The following CNTN4 variants were observed in gnomAD, a reference collection of about 807,000 sequenced individuals.
The protein encoded by CNTN4 is contactin-4.
In CNTN4, 77 loss-of-function variants were observed where a neutral mutation model predicts 122.5. The observed-to-expected ratio is 0.63, with a 90% CI of 0.52 to 0.76. CNTN4 has a LOEUF of 0.76. CNTN4 is among the 30% of genes least tolerant of loss of function. CNTN4 has a pLI of 0.00. For missense variants in CNTN4, 1,256 were observed against 1,259.1 expected (o/e 1.00, Z 0.04); for synonymous variants, 512 against 447.0 (o/e 1.15, Z -1.83).
intron 4 of CNTN4, among the ~76,000 whole-genome samples, chr3:2,592,205 C>G (rs1203587293): frequency 6.6e-6 from 1 of 152,090 alleles, no homozygotes; most frequent in Non-Finnish European, 1.5e-5. Context: ...TCAGCTTGGC[C>G]CTGACTTTTT....
chr3:2,151,361 G>A (rs1014933399), intron 2 of CNTN4, among the ~76,000 whole-genome samples: 1 of 152,188 alleles, frequency 6.6e-6, no homozygotes, highest in Non-Finnish European at 1.5e-5. Flanking sequence ...TGACAGGGAG[G>A]CAGCTAAGAG....
chr3:2,803,566 T>G (rs986116970), intron 6 of CNTN4, among the ~76,000 whole-genome samples: 28 of 151,542 alleles, frequency 1.8e-4, no homozygotes, highest in African/African-American at 6.5e-4. Context: ...TTCTTTTTTT[T>G]TTTTTTTGTT....
chr3:2,259,425 C>T (rs2040730656), intron 2 of CNTN4, among the ~76,000 whole-genome samples: 1 of 152,112 alleles, frequency 6.6e-6, no homozygotes, highest in South Asian at 2.1e-4. Flanking sequence ...CCAAAGGCAA[C>T]ACAGCCAAAA....
chr3:2,367,724 A>G (rs944993009), intron 3 of CNTN4, among the ~76,000 whole-genome samples: 7 of 152,074 alleles, frequency 4.6e-5, no homozygotes, highest in East Asian at 1.9e-4. Context: ...ACCTCAGGCA[A>G]TCCACCTGCC....
rs138297682 is a variant in CNTN4, at chr3:2,295,892, A to C, written c.-144-43286A>C. 1.9e-3 allele frequency among the ~76,000 whole-genome samples: 292 copies of C among 152,320 alleles called. 2 individuals are homozygous for C. The highest frequency in any genetic ancestry group is 3.0e-3 in the Non-Finnish European group (203 of 68,024). Reference sequence around the variant, plus strand: ...AAGGGATCCAGTTTCAGCTTTCTACATATGACTAGCCAGTTTTCCCAGCAC... The same window carrying C: ...AAGGGATCCAGTTTCAGCTTTCTACCTATGACTAGCCAGTTTTCCCAGCAC... On this transcript the variant is annotated intron_variant, in intron 2 of 24. Transcript: ENST00000418658.
intron 4 of CNTN4, among the ~76,000 whole-genome samples, chr3:2,660,727 C>T (rs573783489): frequency 9.8e-4 from 150 of 152,374 alleles, no homozygotes; most frequent in Non-Finnish European, 1.7e-3. Flanking sequence ...GTTACCTACT[C>T]TTTGCATCCT....
chr3:2,580,789 A>G (rs937357782), intron 4 of CNTN4, among the ~76,000 whole-genome samples: 1 of 152,158 alleles, frequency 6.6e-6, no homozygotes, highest in South Asian at 2.1e-4. Context: ...ACAGCACCTC[A>G]GTTTTGTATG....
At chr3:2,952,567 T>G (rs1247953916) in intron 13 of CNTN4, among the ~76,000 whole-genome samples, 2 of 152,226 alleles carry the variant, frequency 1.3e-5, no homozygotes, top group African/African-American at 4.8e-5. Context: ...CTTATTGTTT[T>G]ATTATTTGAC....
chr3:2,192,554 AT>A (rs2037629177), intron 2 of CNTN4, among the ~76,000 whole-genome samples: 1 of 152,216 alleles, frequency 6.6e-6, no homozygotes, highest in African/African-American at 2.4e-5. Flanking sequence ...AAGGGCTAAT[AT>A]TCAGAATCTA....
At chr3:2,720,579 T>C (rs2087788061) in intron 4 of CNTN4, among the ~76,000 whole-genome samples, 1 of 152,182 alleles carries the variant, frequency 6.6e-6, no homozygotes, top group Non-Finnish European at 1.5e-5. Flanking sequence ...TGGTGATTTA[T>C]GTTCAAAAAG....
chr3:2,131,886 A>C (rs1328717320), intron 2 of CNTN4, among the ~76,000 whole-genome samples: 1 of 152,150 alleles, frequency 6.6e-6, no homozygotes, highest in East Asian at 1.9e-4. Flanking sequence ...TCTGAGAGCA[A>C]CAGTACATCT....
In CNTN4 at chr3:2,313,822, C is replaced by A. The variant is rs543495185; in HGVS notation, c.-144-25356C>A. Among the ~76,000 whole-genome samples, 25 of 151,764 alleles carry A rather than the reference C, an allele frequency of 1.6e-4. No individual in the cohort carries two copies. In the East Asian group the frequency reaches 4.7e-3, roughly 28 times the overall value. ...GCATTTCAGGCATACCCACCAAATA[C>A]CCCCCAAAATAAAGGATGCTTCCCT... On this transcript the variant is annotated intron_variant, in intron 2 of 24. Transcript: ENST00000418658.
intron 3 of CNTN4, among the ~76,000 whole-genome samples, chr3:2,544,515 A>T (rs2078160981): frequency 6.6e-6 from 1 of 152,132 alleles, no homozygotes. Context: ...AAATAAAAAC[A>T]ATATGAGTTT....
chr3:2,293,515 G>C (rs2042204887), intron 2 of CNTN4, among the ~76,000 whole-genome samples: 1 of 152,094 alleles, frequency 6.6e-6, no homozygotes, highest in African/African-American at 2.4e-5. Context: ...TAATTTCCCT[G>C]TGTCTCAGTT....
intron 3 of CNTN4, among the ~76,000 whole-genome samples, chr3:2,370,805 T>C (rs762754998): frequency 2.6e-5 from 4 of 152,182 alleles, no homozygotes; most frequent in African/African-American, 9.6e-5. Context: ...AGAAGGTGAA[T>C]ATATACCAGT....
intron 3 of CNTN4, among the ~76,000 whole-genome samples, chr3:2,384,959 T>C (rs1476414256): frequency 6.6e-6 from 1 of 152,162 alleles, no homozygotes; most frequent in Non-Finnish European, 1.5e-5. Context: ...GTGGTTGACG[T>C]TCAAACTCAT....
chr3:2,461,926 G>A (rs1419308967), intron 3 of CNTN4, among the ~76,000 whole-genome samples: 2 of 152,092 alleles, frequency 1.3e-5, no homozygotes, highest in African/African-American at 2.4e-5. Context: ...CTTTGTGTTC[G>A]GATTTGGTGA....
At chr3:2,213,820 G>C (rs1393584525) in intron 2 of CNTN4, among the ~76,000 whole-genome samples, 1 of 152,042 alleles carries the variant, frequency 6.6e-6, no homozygotes, top group African/African-American at 2.4e-5. Flanking sequence ...ATCTGTTGTG[G>C]ATGTGTTTTT....
intron 4 of CNTN4, among the ~76,000 whole-genome samples, chr3:2,735,024 C>T (rs184643998): frequency 2.7e-4 from 41 of 152,150 alleles, no homozygotes; most frequent in African/African-American, 1.4e-4. Flanking sequence ...TATTGATCAC[C>T]GTGTGTTATA....
Sources: allele counts gnomAD v4.1 joint callset (sites outside exome capture counted in the v4.1 genomes callset), GRCh38; gene constraint gnomAD v4.1.1; transcripts MANE v1.5; gene names NCBI Gene and HGNC (gene_info 2026-07-23, HGNC 2026-07-21).